SIPA1L1: variants seen among roughly 807,000 people sequenced by gnomAD.
The protein encoded by SIPA1L1 is signal induced proliferation associated 1 like 1.
In SIPA1L1, 26 loss-of-function variants were observed where a neutral mutation model predicts 162.7. That is an observed-to-expected ratio of 0.16 (90% CI 0.12 to 0.22). The LOEUF is 0.22. Ranked by LOEUF, SIPA1L1 falls within the 10% of genes least tolerant of loss-of-function variation. The pLI, the probability that SIPA1L1 is intolerant of heterozygous loss-of-function variation, is 1.00. For missense variants in SIPA1L1, 1,874 were observed against 2,241.0 expected (o/e 0.84, Z 3.31); for synonymous variants, 829 against 837.4 (o/e 0.99, Z 0.17).
intron 6 of SIPA1L1, 47 bp from the exon 7 acceptor site, chr14:71,624,001 C>T: frequency 1.3e-6 from 2 of 1,507,646 alleles, no homozygotes; most frequent in Non-Finnish European, 1.8e-6. Context: ...TGTGTTCAGG[C>T]ATCTCACATC....
At chr14:71,738,572 G>C (rs1044434030) in intron 23 of SIPA1L1, among the ~76,000 whole-genome samples, 1 of 152,110 alleles carries the variant, frequency 6.6e-6, no homozygotes, top group Admixed American at 6.6e-5. Flanking sequence ...CACCATCTGG[G>C]TCCTCTCCCG....
intron 6 of SIPA1L1, among the ~76,000 whole-genome samples, chr14:71,620,912 G>C (rs186476942): frequency 2.3e-4 from 35 of 152,228 alleles, no homozygotes; most frequent in Admixed American, 9.2e-4. Context: ...TGACTGAAAG[G>C]TTCAAGTCAA....
intron 2 of SIPA1L1, chr14:71,415,929 C>T (rs1434003084): frequency 6.6e-6 from 1 of 152,210 alleles, no homozygotes; most frequent in Non-Finnish European, 1.5e-5. Context: ...AGCTCTTGAC[C>T]TCAGATGATC....
At chr14:71,454,811 A>G (rs756953321) in intron 2 of SIPA1L1, among the ~76,000 whole-genome samples, 1 of 152,208 alleles carries the variant, frequency 6.6e-6, no homozygotes, top group Admixed American at 6.5e-5. Flanking sequence ...TAAAGCACAC[A>G]TGAGATGGGC....
intron 7 of SIPA1L1, among the ~76,000 whole-genome samples, chr14:71,638,850 GT>G (rs1231624573): frequency 1.3e-5 from 2 of 152,182 alleles, no homozygotes; most frequent in African/African-American, 4.8e-5. Flanking sequence ...ATTTCTTTCA[GT>G]GAATATGTGG....
intron 2 of SIPA1L1, among the ~76,000 whole-genome samples, chr14:71,394,467 A>G (rs867412918): frequency 6.6e-6 from 1 of 152,190 alleles, no homozygotes; most frequent in South Asian, 2.1e-4. Context: ...TGATACTCAG[A>G]TCTTGTTCAT....
intron 2 of SIPA1L1, among the ~76,000 whole-genome samples, chr14:71,433,274 G>A (rs1595437726): frequency 1.3e-5 from 2 of 152,166 alleles, no homozygotes; most frequent in Admixed American, 1.3e-4. Flanking sequence ...TTGGATATTT[G>A]CAAGATTAGA....
chr14:71,551,873 A>G (rs189358715), intron 4 of SIPA1L1, among the ~76,000 whole-genome samples: 3 of 152,148 alleles, frequency 2.0e-5, no homozygotes, highest in East Asian at 3.9e-4. Context: ...TGATTCCTTC[A>G]TGACATTTAG....
At chr14:71,324,763 A>G (rs1333779108) in intron 2 of SIPA1L1, among the ~76,000 whole-genome samples, 1 of 152,018 alleles carries the variant, frequency 6.6e-6, no homozygotes, top group Non-Finnish European at 1.5e-5. Flanking sequence ...ACTCATTTCC[A>G]TTTGCGGAAG....
chr14:71,522,562 A>G (rs2052460093), intron 3 of SIPA1L1, among the ~76,000 whole-genome samples: 2 of 152,220 alleles, frequency 1.3e-5, no homozygotes, highest in Non-Finnish European at 1.5e-5. Flanking sequence ...GCATCATGTC[A>G]GCACTCAAAA....
chr14:71,327,199 C>T (rs2033934598), intron 2 of SIPA1L1, among the ~76,000 whole-genome samples: 1 of 151,200 alleles, frequency 6.6e-6, no homozygotes, highest in Admixed American at 6.6e-5. Flanking sequence ...TCTCCTGCAA[C>T]AGCCTCCTGA....
At chr14:71,485,304 C>T (rs2142874447) in intron 2 of SIPA1L1, among the ~76,000 whole-genome samples, 1 of 152,306 alleles carries the variant, frequency 6.6e-6, no homozygotes, top group African/African-American at 2.4e-5. Flanking sequence ...GACCACGGAC[C>T]AGTACCAGTC....
chr14:71,374,281 G>A (rs924579589), intron 2 of SIPA1L1, among the ~76,000 whole-genome samples: 1 of 151,938 alleles, frequency 6.6e-6, no homozygotes, highest in East Asian at 1.9e-4. Flanking sequence ...TTTATTGAAC[G>A]ATTCATTCTT....
At chr14:71,713,307 A>G (rs532141980) in intron 17 of SIPA1L1, among the ~76,000 whole-genome samples, 1 of 152,346 alleles carries the variant, frequency 6.6e-6, no homozygotes, top group South Asian at 2.1e-4. Flanking sequence ...TTTGAAGGTT[A>G]TTGTACAGAT....
At chr14:71,539,671 A>G (rs889296225) in intron 4 of SIPA1L1, among the ~76,000 whole-genome samples, 4 of 152,250 alleles carry the variant, frequency 2.6e-5, no homozygotes, top group African/African-American at 7.2e-5. Context: ...TCGAGCTTTT[A>G]TATAGAATAA....
At chr14:71,614,312 A>G (rs1008433779) in intron 5 of SIPA1L1, among the ~76,000 whole-genome samples, 2 of 152,160 alleles carry the variant, frequency 1.3e-5, no homozygotes, top group African/African-American at 4.8e-5. Context: ...TAAATAGTAC[A>G]TTAGGATTTT....
At position 71,588,361 on chromosome 14, in the gene SIPA1L1, C is replaced by A. The variant is rs147514658; in HGVS notation, c.489C>A (p.Pro163=). 57 of 1,613,858 alleles carry A rather than the reference C, an allele frequency of 3.5e-5. No homozygotes were observed. The highest frequency in any genetic ancestry group is 3.5e-4 in the African/African-American group (26 of 75,056). Residue 163 remains proline, a synonymous_variant, in exon 5 of 24, where the codon CCC becomes CCA. Coordinates refer to ENST00000381232, the MANE Select transcript of SIPA1L1 (RefSeq NM_001386936.1). The surrounding 1 kb of genome is among the most constrained non-coding windows in gnomAD (Gnocchi z 4.3). ...TGCCTGAAGCCTACCCCAGCTCCCC[C>A]AGAAAAGCTCTTCGCAGAATACGCC... ...FLMPEAYPSS[P]RKALRRIRQR... is the part of the protein sequence containing the mutation.
At chr14:71,467,924 A>G (rs2047136076) in intron 2 of SIPA1L1, among the ~76,000 whole-genome samples, 1 of 151,934 alleles carries the variant, frequency 6.6e-6, no homozygotes, top group South Asian at 2.1e-4. Flanking sequence ...TTGGGAAAGT[A>G]TATATAAAAT....
At position 71,448,215 on chromosome 14, in the gene SIPA1L1, G is replaced by A. The variant is rs190964027; in HGVS notation, c.-464-64528G>A. On this transcript the variant is annotated intron_variant, in intron 2 of 23. Transcript: ENST00000381232. ...TTTATTTTGCACTTTTTTTTCCTACGCTTCCATCGCTTTCTTGGTTGTCTT... is the reference window on the plus strand; with the variant it reads ...TTTATTTTGCACTTTTTTTTCCTACACTTCCATCGCTTTCTTGGTTGTCTT... 9.4e-4 allele frequency among the ~76,000 whole-genome samples: 143 copies of A among 151,860 alleles called. 1 individual carries two copies. The highest frequency in any genetic ancestry group is 3.4e-3 in the African/African-American group (139 of 41,396).
Sources: gnomAD v4.1 joint callset for allele counts (sites outside exome capture counted in the v4.1 genomes callset) on GRCh38, gnomAD v4.1.1 for gene constraint, Gnocchi (gnomAD v3.1) non-coding constraint, MANE v1.5 for transcripts, NCBI Gene and HGNC (gene_info 2026-07-23, HGNC 2026-07-21) for gene names.